The following WLS variants were observed in gnomAD, a reference collection of about 807,000 sequenced individuals.
WLS encodes protein wntless homolog.
A neutral mutation model predicts 62.8 loss-of-function variants in WLS; 23 were observed. The observed-to-expected ratio is 0.37, with a 90% CI of 0.26 to 0.52. The LOEUF is 0.52. WLS is among the 20% of genes least tolerant of loss of function. The pLI is 0.92. For synonymous variants in WLS, 246 were observed against 244.1 expected (o/e 1.01, Z -0.07); for missense variants, 615 against 697.3 (o/e 0.88, Z 1.33).
chr1:68,110,975 A>ATTT (rs973758576), intron 11 of WLS, among the ~76,000 whole-genome samples: 3 of 152,166 alleles, frequency 2.0e-5, no homozygotes, highest in African/African-American at 7.2e-5. Context: ...TAATCTTGAA[A>ATTT]TTTATTTAAA....
At chr1:68,105,019 G>A (rs779103057) in intron 11 of WLS, among the ~76,000 whole-genome samples, 28 of 152,240 alleles carry the variant, frequency 1.8e-4, no homozygotes, top group Non-Finnish European at 3.2e-4. Context: ...CACTGCCTGT[G>A]CATAGTTGAT....
At chr1:68,191,535 T>G (rs913452636) in intron 2 of WLS, among the ~76,000 whole-genome samples, 11 of 152,194 alleles carry the variant, frequency 7.2e-5, no homozygotes, top group Admixed American at 7.2e-4. Context: ...ATTTGTAGGT[T>G]TAAGTGTCTG....
At chr1:68,132,777 G>T (rs1570855728) in intron 11 of WLS, among the ~76,000 whole-genome samples, 1 of 152,098 alleles carries the variant, frequency 6.6e-6, no homozygotes, top group East Asian at 1.9e-4. Flanking sequence ...ATAATCAAAA[G>T]AACACAAAAA....
intron 1 of WLS, among the ~76,000 whole-genome samples, chr1:68,212,926 G>A (rs570606538): frequency 5.3e-5 from 8 of 152,136 alleles, no homozygotes; most frequent in Non-Finnish European, 1.0e-4. Flanking sequence ...CATCTCTCGT[G>A]CCTCTTTGTA....
chr1:68,205,084 ATG>A (rs1649226743), intron 1 of WLS, among the ~76,000 whole-genome samples: 1 of 152,208 alleles, frequency 6.6e-6, no homozygotes, highest in African/African-American at 2.4e-5. Context: ...CATTTTTTAA[ATG>A]CCATAGTGGA....
In WLS at chr1:68,206,281, G is replaced by T. The variant is rs149421317; in HGVS notation, c.107-12054C>A. Among the ~76,000 whole-genome samples the T allele has an allele frequency of 6.3e-3, 962 of 152,324 alleles. 2 individuals carry two copies. The highest frequency in any genetic ancestry group is 0.027 in the Middle Eastern group (8 of 294). The stretch of plus-strand genomic sequence containing the variant: ...TAGTATGGAGGGTTGAAGATAAAAG[G>T]TCAAATATGTGAATGACTAAATGTG... On this transcript the variant is annotated intron_variant, in intron 1 of 11. Transcript: ENST00000262348.
In WLS at chr1:68,158,607, A is replaced by T. The variant is rs923450736; in HGVS notation, c.504+516T>A. Among the ~76,000 whole-genome samples, 4 of 152,078 alleles carry T rather than the reference A, an allele frequency of 2.6e-5. No homozygotes were observed. The East Asian group carries it at 5.8e-4, about 22-fold the overall frequency. ...TGATGAGCTAAAAAAAAAAAAAATC[A>T]CAAAAAGAAATTATAATGTTTTAAG... On this transcript the variant is annotated intron_variant, in intron 3 of 11. Transcript: ENST00000262348.
chr1:68,130,084 G>A (rs1026276112), intron 11 of WLS, among the ~76,000 whole-genome samples: 2 of 152,174 alleles, frequency 1.3e-5, no homozygotes, highest in African/African-American at 4.8e-5. Flanking sequence ...GTAAGCGGCT[G>A]CTTGGTTGTA....
At chr1:68,122,266 C>A (rs1260781405), downstream of WLS, among the ~76,000 whole-genome samples, 1 of 152,186 alleles carries the variant, frequency 6.6e-6, no homozygotes, top group African/African-American at 2.4e-5. Context: ...TTGAACTTCT[C>A]AAAGTTACCT....
At chr1:68,194,489 C>T (rs1055517608) in intron 1 of WLS, among the ~76,000 whole-genome samples, 1 of 152,192 alleles carries the variant, frequency 6.6e-6, no homozygotes, top group Non-Finnish European at 1.5e-5. Context: ...TCTAGTTATA[C>T]TTCCCCACTT....
At chr1:68,225,707 A>G (rs556221027) in intron 1 of WLS, among the ~76,000 whole-genome samples, 1 of 152,304 alleles carries the variant, frequency 6.6e-6, no homozygotes, top group Admixed American at 6.5e-5. Context: ...CCGCATGGGA[A>G]AAGAATTTTC....
rs552961875 is a variant in WLS, at chr1:68,106,216, C to T, written c.1511-7463G>A. On this transcript the variant is annotated intron_variant, in intron 11 of 11. Coordinates refer to the WLS transcript ENST00000354777. ...TGGAGTGGTTTATTAAAAGGCACTTCGAGCCATTCATAAAGAAATAAATGA... is the reference window on the plus strand; with the variant it reads ...TGGAGTGGTTTATTAAAAGGCACTTTGAGCCATTCATAAAGAAATAAATGA... 5.3e-5 allele frequency among the ~76,000 whole-genome samples: 8 copies of T among 152,182 alleles called. No homozygotes were observed. In the East Asian group the frequency reaches 7.7e-4, roughly 15 times the overall value.
intron 2 of WLS, among the ~76,000 whole-genome samples, chr1:68,180,688 C>T (rs999866884): frequency 6.6e-6 from 1 of 152,184 alleles, no homozygotes; most frequent in African/African-American, 2.4e-5. Context: ...AGGGCCTTCA[C>T]AGCCTCTGTA....
intron 11 of WLS, among the ~76,000 whole-genome samples, chr1:68,126,725 G>C (rs1010146716): frequency 6.6e-6 from 1 of 152,222 alleles, no homozygotes; most frequent in African/African-American, 2.4e-5. Flanking sequence ...CAGCCTTACA[G>C]ATGAGGAAGC....
chr1:68,229,306 T>C (rs1650308304), intron 1 of WLS, among the ~76,000 whole-genome samples: 1 of 152,162 alleles, frequency 6.6e-6, no homozygotes, highest in African/African-American at 2.4e-5. Flanking sequence ...CCTTCCTAAG[T>C]TGCTCTTCCT....
intron 11 of WLS, among the ~76,000 whole-genome samples, chr1:68,113,196 A>G (rs1485173141): frequency 3.3e-5 from 5 of 152,228 alleles, no homozygotes; most frequent in Non-Finnish European, 5.9e-5. Flanking sequence ...GTCCGTAAAA[A>G]TATCCGTATC....
intron 2 of WLS, among the ~76,000 whole-genome samples, chr1:68,159,711 C>T (rs895533460): frequency 7.2e-5 from 11 of 152,230 alleles, no homozygotes; most frequent in Admixed American, 3.9e-4. Context: ...CTCTCAGACA[C>T]GTCCCTCTGG....
chr1:68,197,833 G>C (rs768017324), intron 1 of WLS, among the ~76,000 whole-genome samples: 16 of 152,258 alleles, frequency 1.1e-4, no homozygotes, highest in Middle Eastern at 3.4e-3. Context: ...TTTTTAAAGT[G>C]TGTGGGATTA....
In WLS at chr1:68,126,335, C is replaced by A. The variant is rs762768486; in HGVS notation, c.1517G>T (p.Gly506Val). The part of the protein sequence containing the change: ...HKNYGEDQSN[G>V]DLGVHSGEEL... ...TTCCCCACTATGGACACCCAGATCG[C>A]CTGAAACAGGGTTTTCGGTGTTAGA... The change falls in exon 12 of 12, where the codon GGC becomes GTC. Residue 506 changes from glycine (G) to valine (V), a missense_variant and splice_region_variant. Coordinates refer to ENST00000262348, the MANE Select transcript of WLS (RefSeq NM_024911.7). The A allele has an allele frequency of 6.2e-7, 1 of 1,613,988 alleles. No individual in the cohort carries two copies. Among genetic ancestry groups the A allele is most frequent in the South Asian group, 1.1e-5 (1 of 91,076 alleles).
Sources: allele counts gnomAD v4.1 joint callset (sites outside exome capture counted in the v4.1 genomes callset), GRCh38; gene constraint gnomAD v4.1.1; transcripts MANE v1.5; gene names NCBI Gene and HGNC (gene_info 2026-07-23, HGNC 2026-07-21).